The following MRPS9 variants were observed in gnomAD, a reference collection of about 807,000 sequenced individuals.
MRPS9 encodes the protein small ribosomal subunit protein uS9m.
MRPS9 carries 45 observed loss-of-function variants against 59.9 expected under a neutral mutation model. The observed-to-expected ratio is 0.75, with a 90% CI of 0.59 to 0.96. The LOEUF (loss-of-function observed/expected upper bound fraction) is 0.96, where lower values mean the gene tolerates loss of function less well. Among genes scored for constraint, MRPS9 ranks in the 40% least tolerant of loss-of-function variants. The pLI, the probability that MRPS9 is intolerant of heterozygous loss-of-function variation, is 0.00. For missense variants in MRPS9, 473 were observed against 481.1 expected (o/e 0.98, Z 0.16); for synonymous variants, 171 against 166.8 (o/e 1.03, Z -0.19).
rs778304398 is a variant in MRPS9, at chr2:105,097,313, G to T, written c.1088G>T (p.Trp363Leu). Residue 363 changes from tryptophan (W) to leucine (L), a missense_variant, in exon 10 of 11, where the codon TGG (tryptophan) becomes TTG (leucine). By Grantham distance (61) the Trp-to-Leu change is moderately conservative. Coordinates refer to ENST00000258455, the MANE Select transcript of MRPS9 (RefSeq NM_182640.3). Reference sequence around the variant, plus strand: ...TTTGTCACCGAGGACGAGGTCGAGTGGATGAGACAAGGTATGAGTCTAGGT... The same window carrying T: ...TTTGTCACCGAGGACGAGGTCGAGTTGATGAGACAAGGTATGAGTCTAGGT... ...CSFVTEDEVE[W>L]MRQAGLLTTD... The T allele has an allele frequency of 2.5e-6, 4 of 1,605,996 alleles. No individual in the cohort carries two copies. In the East Asian group the frequency reaches 9.0e-5, roughly 36 times the overall value.
At chr2:105,058,730 C>G (rs541553250) in intron 2 of MRPS9, among the ~76,000 whole-genome samples, 1 of 89,710 alleles carries the variant, frequency 1.1e-5, no homozygotes, top group Admixed American at 1.2e-4. Context: ...GGCAACAGAT[C>G]GTGCAGTGGC....
rs1680107818 is a variant in MRPS9 at position 105,071,351 on chromosome 2, G to T, written c.354G>T (p.Glu118Asp). Reference sequence around the variant, plus strand: ...ACCTTTTCCCAAGTGGTTTGTTTGAGAAACGAGCCAGGCCAGTAATGAAGG... The same window carrying T: ...ACCTTTTCCCAAGTGGTTTGTTTGATAAACGAGCCAGGCCAGTAATGAAGG... The part of the protein sequence containing the change: ...IAYLFPSGLF[E>D]KRARPVMKHP... Residue 118 changes from glutamate to aspartate, a missense_variant, in exon 3 of 11, where the codon GAG becomes GAT. Physicochemically the swap from Glu to Asp is conservative, Grantham distance 45. Transcript: ENST00000258455. 4 of 1,610,016 alleles carry T rather than the reference G, an allele frequency of 2.5e-6. No homozygotes were observed. Among genetic ancestry groups the T allele is most frequent in the Middle Eastern group, 2.2e-4 (1 of 4,498 alleles).
At chr2:105,088,621 A>G (rs1680496078) in intron 5 of MRPS9, among the ~76,000 whole-genome samples, 1 of 152,122 alleles carries the variant, frequency 6.6e-6, no homozygotes, top group African/African-American at 2.4e-5. Flanking sequence ...GCACATTGCC[A>G]TATAAATTAC....
At chr2:105,087,724 G>A (rs1680475843) in intron 5 of MRPS9, among the ~76,000 whole-genome samples, 2 of 151,762 alleles carry the variant, frequency 1.3e-5, no homozygotes, top group South Asian at 2.1e-4. Context: ...GTATTATATC[G>A]GCTTTTCTCA....
chr2:105,099,881 T>C lies in MRPS9; in HGVS notation c.*120T>C. ...TACTGTCAGAAATTTCTTTGAGCTG[T>C]GAGATGGATTTATTTTTAAATGCTA... On this transcript the variant is annotated 3_prime_UTR_variant, in exon 11 of 11. Transcript: ENST00000258455. 1 of 651,704 alleles carries C rather than the reference T, an allele frequency of 1.5e-6. No individual in the cohort carries two copies. The highest frequency in any genetic ancestry group is 2.5e-6 in the Non-Finnish European group (1 of 399,156). 40.4% of individuals were successfully genotyped at this position (651,704 alleles called of 1,614,324 possible).
intron 4 of MRPS9, among the ~76,000 whole-genome samples, chr2:105,073,105 C>A (rs911985253): frequency 4.0e-5 from 6 of 151,200 alleles, no homozygotes; most frequent in Non-Finnish European, 7.4e-5. Context: ...ATTTTTTTTT[C>A]TTCTTCTTCT....
At chr2:105,099,629 C>G in intron 10 of MRPS9, 41 bp from the exon 11 acceptor site, 2 of 1,566,424 alleles carry the variant, frequency 1.3e-6, no homozygotes, top group Non-Finnish European at 1.7e-6. Context: ...GGGCAGCATG[C>G]ATATTAATGG....
Position 105,099,661 on chromosome 2 carries a change from A to G in MRPS9, c.1100-9A>G, listed in dbSNP as rs752093447. 5 of 1,612,874 alleles carry G rather than the reference A, an allele frequency of 3.1e-6. No homozygotes were observed. Among genetic ancestry groups the G allele is most frequent in the African/African-American group, 2.7e-5 (2 of 74,830 alleles). ...ATGGTTCCTAAAGGCTTCTCTTTTT[A>G]TGCTGCAGCTGGACTACTTACTACT... On this transcript the variant is annotated splice_polypyrimidine_tract_variant and intron_variant, in intron 10 of 10. Transcript: ENST00000258455.
intron 2 of MRPS9, among the ~76,000 whole-genome samples, chr2:105,063,750 A>G (rs1679946958): frequency 6.6e-6 from 1 of 152,210 alleles, no homozygotes; most frequent in South Asian, 2.1e-4. Flanking sequence ...ATGAGTTTGT[A>G]TTTACATTTC....
intron 1 of MRPS9, among the ~76,000 whole-genome samples, chr2:105,043,078 G>C (rs796477758): frequency 6.6e-6 from 1 of 151,616 alleles, no homozygotes; most frequent in East Asian, 1.9e-4. Context: ...CCTTGCCACC[G>C]CCATATCTAA....
chr2:105,089,096 T>G, intron 6 of MRPS9, 27 bp downstream of exon 6: 1 of 1,558,358 alleles, frequency 6.4e-7, no homozygotes, highest in Non-Finnish European at 8.8e-7. Context: ...CATTAAAATA[T>G]AAGTAAAATT....
At chr2:105,077,045 A>C (rs566324807) in intron 4 of MRPS9, among the ~76,000 whole-genome samples, 81 of 151,808 alleles carry the variant, frequency 5.3e-4, no homozygotes, top group Non-Finnish European at 1.9e-4. Flanking sequence ...TCAGGAGTTC[A>C]AGACCAGCCT....
intron 5 of MRPS9, among the ~76,000 whole-genome samples, chr2:105,086,027 A>G (rs537058348): frequency 1.6e-4 from 25 of 152,274 alleles, no homozygotes; most frequent in African/African-American, 5.8e-4. Flanking sequence ...TAACTAACCA[A>G]GGTAGAATCT....
At chr2:105,090,721 A>G (rs770472244) in intron 7 of MRPS9, among the ~76,000 whole-genome samples, 3 of 152,170 alleles carry the variant, frequency 2.0e-5, no homozygotes, top group African/African-American at 4.8e-5. Flanking sequence ...TGATGTTCCA[A>G]ATTTATTACT....
chr2:105,079,902 T>C (rs1479260846), intron 4 of MRPS9, 81 bp from the exon 5 acceptor site: 31 of 862,620 alleles, frequency 3.6e-5, no homozygotes, highest in Middle Eastern at 4.5e-4. Context: ...TAAATGTGTC[T>C]CATAACTGTG....
rs564816704 is a variant in MRPS9, at chr2:105,095,299, T to G, written c.929+1661T>G. 2.6e-5 allele frequency among the ~76,000 whole-genome samples: 4 copies of G among 152,298 alleles called. No individual in the cohort carries two copies. In the South Asian group the frequency reaches 8.3e-4, roughly 32 times the overall value. ...CTGGACAGCCATTTGTTTGGGAGCTTAAACACTTTCCTGGCTTAATTTTTA... is the reference window on the plus strand; with the variant it reads ...CTGGACAGCCATTTGTTTGGGAGCTGAAACACTTTCCTGGCTTAATTTTTA... On this transcript the variant is annotated intron_variant, in intron 9 of 10. Coordinates refer to ENST00000258455, the MANE Select transcript of MRPS9 (RefSeq NM_182640.3).
intron 2 of MRPS9, among the ~76,000 whole-genome samples, chr2:105,069,729 A>C (rs1305220418): frequency 6.6e-6 from 1 of 152,088 alleles, no homozygotes; most frequent in East Asian, 1.9e-4. Flanking sequence ...AATCAGTTGC[A>C]GTATCATTTA....
At chr2:105,048,739 G>C (rs1456208863) in intron 1 of MRPS9, among the ~76,000 whole-genome samples, 2 of 151,804 alleles carry the variant, frequency 1.3e-5, no homozygotes, top group African/African-American at 4.8e-5. Context: ...CTCTTCCTCA[G>C]GCCATGCCGT....
intron 5 of MRPS9, among the ~76,000 whole-genome samples, chr2:105,083,260 C>T (rs754567350): frequency 3.3e-5 from 5 of 152,080 alleles, no homozygotes; most frequent in Admixed American, 6.5e-5. Context: ...GCAAGATAAC[C>T]GAGTTGTGAC....
Sources: gnomAD v4.1 joint callset for allele counts (sites outside exome capture counted in the v4.1 genomes callset) on GRCh38, gnomAD v4.1.1 for gene constraint, MANE v1.5 for transcripts, NCBI Gene and HGNC (gene_info 2026-07-23, HGNC 2026-07-21) for gene names.